The following SDCCAG8 variants were observed in gnomAD, a reference collection of about 807,000 sequenced individuals.
The protein encoded by SDCCAG8 is SHH signaling and ciliogenesis regulator SDCCAG8, also known as serologically defined colon cancer antigen 8.
In SDCCAG8, 74 loss-of-function variants were observed where a neutral mutation model predicts 101.8. That is an observed-to-expected ratio of 0.73 (90% CI 0.60 to 0.88). SDCCAG8 has a LOEUF of 0.88. SDCCAG8 is among the 40% of genes least tolerant of loss of function. The pLI, the probability that SDCCAG8 is intolerant of heterozygous loss-of-function variation, is 0.00. For missense variants in SDCCAG8, 787 were observed against 822.6 expected (o/e 0.96, Z 0.53); for synonymous variants, 281 against 292.9 (o/e 0.96, Z 0.41).
intron 1 of SDCCAG8, among the ~76,000 whole-genome samples, chr1:243,264,267 C>T (rs1017498958): frequency 6.6e-6 from 1 of 152,174 alleles, no homozygotes; most frequent in Non-Finnish European, 1.5e-5. Context: ...AAGACAGGCC[C>T]AGTGGTGACC....
intron 16 of SDCCAG8, among the ~76,000 whole-genome samples, chr1:243,437,511 T>G (rs1220550789): frequency 6.6e-6 from 1 of 150,716 alleles, no homozygotes; most frequent in Non-Finnish European, 1.5e-5. Context: ...CGTCAAATCC[T>G]AAAATGACAT....
intron 6 of SDCCAG8, among the ~76,000 whole-genome samples, chr1:243,302,811 A>G (rs2149312105): frequency 6.6e-6 from 1 of 152,234 alleles, no homozygotes; most frequent in Middle Eastern, 3.4e-3. Context: ...ACATATGGGT[A>G]CTCTATGGAA....
intron 12 of SDCCAG8, among the ~76,000 whole-genome samples, chr1:243,368,452 CAGT>C (rs929308673): frequency 6.6e-6 from 1 of 152,112 alleles, no homozygotes; most frequent in African/African-American, 2.4e-5. Context: ...ATAGTATGTG[CAGT>C]AGAATAGATG....
chr1:243,256,192 A>C lies in SDCCAG8; in HGVS notation c.19A>C (p.Asn7His). The change falls in exon 1 of 18, where the codon AAC becomes CAC. Residue 7 changes from asparagine (N) to histidine (H), a missense_variant. Coordinates refer to ENST00000366541, the MANE Select transcript of SDCCAG8 (RefSeq NM_006642.5). MAKSPE[N>H]STLEEILGQY... ...TGCGTGCATGGCGAAGTCCCCGGAG[A>C]ACTCTACCCTGGAGGAGATTCTGGG... 7.4e-6 allele frequency: 12 copies of C among 1,614,184 alleles called. No individual in the cohort carries two copies. Among genetic ancestry groups the C allele is most frequent in the Non-Finnish European group, 1.0e-5 (12 of 1,180,014 alleles).
rs529292583 is a variant in SDCCAG8 at position 243,462,920 on chromosome 1, A to G, written c.1986-26094A>G. Among the ~76,000 whole-genome samples, 88 of 152,320 alleles carry G rather than the reference A, an allele frequency of 5.8e-4. 1 individual carries two copies. In the South Asian group the frequency reaches 0.017, roughly 30 times the overall value. On this transcript the variant is annotated intron_variant, in intron 16 of 17. Transcript: ENST00000366541. ...GACAAAAAAAGTATATGACTGCCACACATGCAACCAACTCTCTGCTTCCAC... is the reference window on the plus strand; with the variant it reads ...GACAAAAAAAGTATATGACTGCCACGCATGCAACCAACTCTCTGCTTCCAC...
rs551824740 is a variant in SDCCAG8, at chr1:243,470,483, T to G, written c.1986-18531T>G. On this transcript the variant is annotated intron_variant, in intron 16 of 17. Transcript: ENST00000366541. ...AGTAGAATTTTTTTTTCCTTTTCCT[T>G]TTTTTTTTTTTCTTTTTTTTGCAGC... is the stretch of plus-strand genomic sequence containing the variant. Among the ~76,000 whole-genome samples the G allele has an allele frequency of 3.4e-3, 505 of 148,852 alleles. 4 individuals are homozygous for G. The highest frequency in any genetic ancestry group is 0.012 in the African/African-American group (496 of 40,584).
At chr1:243,275,830 A>G (rs1440980797) in intron 4 of SDCCAG8, among the ~76,000 whole-genome samples, 3 of 133,744 alleles carry the variant, frequency 2.2e-5, no homozygotes, top group Non-Finnish European at 4.8e-5. Context: ...GAATGTTTCT[A>G]TGGGAGAGAG....
Position 243,322,537 on chromosome 1 carries a change from T to A in SDCCAG8, c.1068+5644T>A, listed in dbSNP as rs192092753. Among the ~76,000 whole-genome samples the A allele has an allele frequency of 1.6e-3, 238 of 152,342 alleles. 3 individuals are homozygous for A. The highest frequency in any genetic ancestry group is 5.4e-3 in the African/African-American group (224 of 41,574). On this transcript the variant is annotated intron_variant, in intron 9 of 17. Coordinates refer to ENST00000366541, the MANE Select transcript of SDCCAG8 (RefSeq NM_006642.5). ...CAACTTAAACAATGGTTAATCAGTC[T>A]GCACTAGTCCCTTGGTTACAAAATC...
intron 16 of SDCCAG8, among the ~76,000 whole-genome samples, chr1:243,467,133 C>T (rs1187286967): frequency 6.6e-6 from 1 of 152,246 alleles, no homozygotes; most frequent in South Asian, 2.1e-4. Context: ...TGTGCGTAGA[C>T]CCTCCTGGAC....
At chr1:243,317,867 A>C (rs1180451807) in intron 9 of SDCCAG8, among the ~76,000 whole-genome samples, 1 of 152,204 alleles carries the variant, frequency 6.6e-6, no homozygotes, top group Non-Finnish European at 1.5e-5. Context: ...GACAGTGCAG[A>C]TATAGAGCAT....
At chr1:243,387,975 C>T (rs1396723024) in intron 13 of SDCCAG8, among the ~76,000 whole-genome samples, 1 of 152,192 alleles carries the variant, frequency 6.6e-6, no homozygotes, top group Non-Finnish European at 1.5e-5. Flanking sequence ...CTTAGCCTCC[C>T]AAAGTGCTAG....
At chr1:243,361,406 C>T (rs570514783) in intron 12 of SDCCAG8, among the ~76,000 whole-genome samples, 1 of 152,272 alleles carries the variant, frequency 6.6e-6, no homozygotes, top group South Asian at 2.1e-4. Context: ...AAAGTTATGC[C>T]CTCTTTATTC....
chr1:243,375,998 A>G (rs1168415777), intron 12 of SDCCAG8, among the ~76,000 whole-genome samples: 2 of 152,154 alleles, frequency 1.3e-5, no homozygotes, highest in Non-Finnish European at 2.9e-5. Flanking sequence ...GTAATTTTCC[A>G]TCTTCCTAAC....
intron 5 of SDCCAG8, among the ~76,000 whole-genome samples, chr1:243,288,196 G>A (rs926533031): frequency 3.9e-5 from 6 of 152,246 alleles, no homozygotes; most frequent in African/African-American, 1.4e-4. Context: ...CAGATACAGT[G>A]TCTTACGCAT....
chr1:243,490,190 G>C (rs992256693), intron 17 of SDCCAG8, among the ~76,000 whole-genome samples: 1 of 152,220 alleles, frequency 6.6e-6, no homozygotes, highest in Non-Finnish European at 1.5e-5. Context: ...TTCCCACTCG[G>C]TCCAAAATCC....
chr1:243,375,068 A>G (rs562695280), intron 12 of SDCCAG8, among the ~76,000 whole-genome samples: 1 of 152,164 alleles, frequency 6.6e-6, no homozygotes, highest in Non-Finnish European at 1.5e-5. Context: ...CATAATCATT[A>G]TAATGTAAAT....
chr1:243,426,497 A>G lies in SDCCAG8; in HGVS notation c.1924A>G (p.Asn642Asp), dbSNP rs1012914757. Residue 642 changes from asparagine to aspartate, a missense_variant, in exon 16 of 18, where the codon AAT (asparagine) becomes GAT (aspartate). Transcript: ENST00000366541. ...TAAATTGGGAAAGTTACAGAGAAGA[A>G]ATGAAGAATTGGAGGAACAGTGTGT... ...YDKLGKLQRR[N>D]EELEEQCVQH... 2 of 1,614,020 alleles carry G rather than the reference A, an allele frequency of 1.2e-6. No individual in the cohort carries two copies. Among genetic ancestry groups the G allele is most frequent in the Non-Finnish European group, 1.7e-6 (2 of 1,179,924 alleles).
intron 17 of SDCCAG8, among the ~76,000 whole-genome samples, chr1:243,496,791 AC>A (rs1215749122): frequency 2.0e-5 from 3 of 152,244 alleles, no homozygotes; most frequent in Non-Finnish European, 4.4e-5. Flanking sequence ...TCAGAACTTA[AC>A]AAACTTTAGA....
chr1:243,323,981 C>T (rs946828315), intron 9 of SDCCAG8, among the ~76,000 whole-genome samples: 1 of 152,176 alleles, frequency 6.6e-6, no homozygotes, highest in Non-Finnish European at 1.5e-5. Context: ...GGACGTTCCT[C>T]AGAGTTAGTT....
Sources: allele counts gnomAD v4.1 joint callset (sites outside exome capture counted in the v4.1 genomes callset), GRCh38; gene constraint gnomAD v4.1.1; transcripts MANE v1.5; gene names NCBI Gene and HGNC (gene_info 2026-07-23, HGNC 2026-07-21).